TAOK1: variants seen among roughly 807,000 people sequenced by gnomAD.
The protein encoded by TAOK1 is serine/threonine-protein kinase TAO1.
A neutral mutation model predicts 138.3 loss-of-function variants in TAOK1; 21 were observed. The observed-to-expected ratio is 0.15, with a 90% confidence interval of 0.11 to 0.22. The LOEUF (loss-of-function observed/expected upper bound fraction) is 0.22. Ranked by LOEUF, TAOK1 falls within the 10% of genes least tolerant of loss-of-function variation. The pLI is 1.00. For missense variants in TAOK1, 651 were observed against 1,227.7 expected (o/e 0.53, Z 7.02); for synonymous variants, 361 against 398.4 (o/e 0.91, Z 1.12).
At chr17:29,401,074 T>A (rs1904825255) in intron 1 of TAOK1, among the ~76,000 whole-genome samples, 1 of 152,038 alleles carries the variant, frequency 6.6e-6, no homozygotes, top group Non-Finnish European at 1.5e-5. Flanking sequence ...CACACCCGGC[T>A]AATTTTTGAA....
chr17:29,396,127 T>C (rs754712226), intron 1 of TAOK1, among the ~76,000 whole-genome samples: 1 of 152,182 alleles, frequency 6.6e-6, no homozygotes, highest in Non-Finnish European at 1.5e-5. Flanking sequence ...ATTAAAGATG[T>C]CTCATACCTT....
intron 10 of TAOK1, among the ~76,000 whole-genome samples, chr17:29,492,396 G>A (rs1467545227): frequency 1.3e-5 from 2 of 152,184 alleles, no homozygotes; most frequent in African/African-American, 4.8e-5. Flanking sequence ...AATAGAATAT[G>A]TAGTTAAGTA....
chr17:29,444,796 A>G (rs924121851), intron 1 of TAOK1, among the ~76,000 whole-genome samples: 22 of 152,228 alleles, frequency 1.4e-4, no homozygotes, highest in Admixed American at 2.6e-4. Flanking sequence ...CATTCACTCC[A>G]TGAATACAGT....
intron 2 of TAOK1, among the ~76,000 whole-genome samples, chr17:29,454,556 TTAA>T (rs2030327193): frequency 6.6e-6 from 1 of 152,204 alleles, no homozygotes; most frequent in Non-Finnish European, 1.5e-5. Flanking sequence ...GATCACTGTC[TTAA>T]TAATATTAAG....
At chr17:29,416,060 C>A (rs528867589) in intron 1 of TAOK1, among the ~76,000 whole-genome samples, 8 of 152,098 alleles carry the variant, frequency 5.3e-5, no homozygotes, top group Non-Finnish European at 1.2e-4. Context: ...GTCAGGAGTT[C>A]GAGACCAGCC....
At chr17:29,446,556 A>G (rs920752024) in intron 1 of TAOK1, among the ~76,000 whole-genome samples, 1 of 151,980 alleles carries the variant, frequency 6.6e-6, no homozygotes, top group African/African-American at 2.4e-5. Flanking sequence ...TTTAGTTTTT[A>G]TTCAGTTCAT....
At chr17:29,531,131 T>TC (rs2032098546) in intron 18 of TAOK1, among the ~76,000 whole-genome samples, 2 of 150,216 alleles carry the variant, frequency 1.3e-5, no homozygotes, top group Admixed American at 1.3e-4. Context: ...CCGGCTAATT[T>TC]TTTTTTTTTG....
intron 1 of TAOK1, among the ~76,000 whole-genome samples, chr17:29,432,761 C>T (rs1472936510): frequency 2.6e-5 from 4 of 151,784 alleles, no homozygotes; most frequent in African/African-American, 9.7e-5. Context: ...AGGCGTGAGC[C>T]ACCACACCTG....
rs143660446 is a variant in TAOK1 at position 29,399,338 on chromosome 17, C to T, written c.-95+8314C>T. 1.8e-4 allele frequency among the ~76,000 whole-genome samples: 27 copies of T among 151,178 alleles called. No individual in the cohort carries two copies. In the East Asian group the frequency reaches 3.0e-3, roughly 17 times the overall value. ...TTATTTTTATTTATTTATTTTGAGA[C>T]GGAGTCTCGCTCTGTTGCCCAGGAT... On this transcript the variant is annotated intron_variant, in intron 1 of 19. Coordinates refer to ENST00000261716, the MANE Select transcript of TAOK1 (RefSeq NM_020791.4).
In TAOK1 at chr17:29,467,078, A is replaced by G; in HGVS notation, c.133-67A>G. The stretch of plus-strand genomic sequence containing the variant: ...AGTTTACAAATGCTTTTATATTCGC[A>G]AAGAAATAGTTGCCTAGATTTCACC... On this transcript the variant is annotated intron_variant, in intron 2 of 19. Transcript: ENST00000261716. 3.2e-6 allele frequency: 4 copies of G among 1,246,262 alleles called. No individual in the cohort carries two copies. The East Asian group carries it at 7.2e-5, about 22-fold the overall frequency. The allele number at this position is 1,246,262 out of a possible 1,614,324, so 77.2% of individuals were successfully genotyped here.
At chr17:29,488,483 A>G (rs1396770515) in intron 8 of TAOK1, among the ~76,000 whole-genome samples, 1 of 151,974 alleles carries the variant, frequency 6.6e-6, no homozygotes, top group Non-Finnish European at 1.5e-5. Context: ...GACAGGAGAG[A>G]ATCGCTTGAA....
At chr17:29,459,319 A>T (rs1439791927) in intron 2 of TAOK1, among the ~76,000 whole-genome samples, 1 of 152,070 alleles carries the variant, frequency 6.6e-6, no homozygotes, top group Non-Finnish European at 1.5e-5. Context: ...GTAATTTTAT[A>T]TAATTGTTTT....
intron 13 of TAOK1, among the ~76,000 whole-genome samples, chr17:29,504,142 T>A (rs1184897941): frequency 1.4e-5 from 2 of 143,912 alleles, no homozygotes; most frequent in Non-Finnish European, 3.0e-5. Context: ...CTGGGTGTGG[T>A]GGCATGTGCC....
At chr17:29,541,750 C>T (rs2032320758) in intron 19 of TAOK1, among the ~76,000 whole-genome samples, 1 of 150,644 alleles carries the variant, frequency 6.6e-6, no homozygotes, top group Non-Finnish European at 1.5e-5. Flanking sequence ...CACTCCAGCC[C>T]AGGCGACAGT....
At chr17:29,502,494 A>G (rs2031548025) in intron 12 of TAOK1, 95 bp from the exon 13 acceptor site, 2 of 1,351,236 alleles carry the variant, frequency 1.5e-6, no homozygotes, top group South Asian at 1.4e-5. Context: ...TGTCTTTGAG[A>G]TTGATTGATC....
At chr17:29,480,877 A>AAAAAAAAAAAG (rs2031046776) in intron 7 of TAOK1, among the ~76,000 whole-genome samples, 1 of 151,456 alleles carries the variant, frequency 6.6e-6, no homozygotes, top group Non-Finnish European at 1.5e-5. Flanking sequence ...CTCTCAAAAA[A>AAAAAAAAAAAG]AAAAAAAGAT....
chr17:29,413,921 C>T (rs1330751946), intron 1 of TAOK1, among the ~76,000 whole-genome samples: 4 of 114,774 alleles, frequency 3.5e-5, no homozygotes, highest in South Asian at 2.9e-4. Flanking sequence ...GTTGCTCTAT[C>T]GCCCAGGCTG....
At chr17:29,444,021 A>G (rs935066683) in intron 1 of TAOK1, among the ~76,000 whole-genome samples, 7 of 151,910 alleles carry the variant, frequency 4.6e-5, no homozygotes, top group African/African-American at 1.7e-4. Context: ...AGGCTGAGGC[A>G]GGAGAATTGC....
chr17:29,472,340 C>A (rs979646807), intron 3 of TAOK1, among the ~76,000 whole-genome samples: 3 of 150,342 alleles, frequency 2.0e-5, no homozygotes, highest in African/African-American at 7.4e-5. Context: ...GCAACCTCTG[C>A]CTCCCGGGTT....
Sources: allele counts gnomAD v4.1 joint callset (sites outside exome capture counted in the v4.1 genomes callset), GRCh38; gene constraint gnomAD v4.1.1; transcripts MANE v1.5; gene names NCBI Gene and HGNC (gene_info 2026-07-23, HGNC 2026-07-21).